MICU1: variants seen among roughly 807,000 people sequenced by gnomAD.
MICU1 encodes mitochondrial calcium uptake 1, also known as calcium uptake protein 1, mitochondrial.
Under a neutral mutation model 56.8 loss-of-function variants are expected in MICU1, and 45 were observed. That is an observed-to-expected ratio of 0.79 (90% CI 0.62 to 1.02). MICU1 has a LOEUF of 1.02. MICU1 is among the 50% of genes least tolerant of loss of function. The pLI, the probability that MICU1 is intolerant of heterozygous loss-of-function variation, is 0.00. For missense variants in MICU1, 504 were observed against 587.1 expected, an observed-to-expected ratio of 0.86 and a Z score of 1.46; for synonymous variants, 186 against 195.1, an observed-to-expected ratio of 0.95 and a Z score of 0.39.
At chr10:72,432,393 G>A (rs2132160476) in intron 8 of MICU1, among the ~76,000 whole-genome samples, 1 of 152,288 alleles carries the variant, frequency 6.6e-6, no homozygotes. Context: ...GCCTTCCAGT[G>A]TGCTGGGATT....
Position 72,599,579 on chromosome 10 carries a change from T to TA in MICU1, c.-2+26430dup, listed in dbSNP as rs200681738. ...ACAGTGCTTATGTTATTTTACTTAA[T>TA]AAAGGCCCTAAAGCCCAAGAGTAGT... On this transcript the variant is annotated intron_variant, in intron 1 of 11. Coordinates refer to ENST00000361114, the MANE Select transcript of MICU1 (RefSeq NM_001195518.2). 4.6e-5 allele frequency among the ~76,000 whole-genome samples: 7 copies of TA among 152,290 alleles called. No homozygotes were observed. In the East Asian group the frequency reaches 1.4e-3, roughly 29 times the overall value.
intron 8 of MICU1, among the ~76,000 whole-genome samples, chr10:72,425,407 T>C (rs1253430609): frequency 1.3e-5 from 2 of 152,372 alleles, no homozygotes; most frequent in East Asian, 3.9e-4. Context: ...TATTCTCTGT[T>C]CTTCATAGGG....
chr10:72,536,156 G>A (rs779105614), intron 4 of MICU1, among the ~76,000 whole-genome samples: 4 of 152,040 alleles, frequency 2.6e-5, no homozygotes, highest in Non-Finnish European at 4.4e-5. Flanking sequence ...GCATTGTAGA[G>A]TTAACAACAA....
chr10:72,442,855 C>G (rs1345927807), intron 8 of MICU1, among the ~76,000 whole-genome samples: 5 of 152,120 alleles, frequency 3.3e-5, no homozygotes, highest in African/African-American at 1.2e-4. Flanking sequence ...CTCCTGGGTT[C>G]AAGTAATTCT....
chr10:72,485,787 T>TG (rs1306848863), intron 6 of MICU1, among the ~76,000 whole-genome samples: 1 of 150,722 alleles, frequency 6.6e-6, no homozygotes. Flanking sequence ...AAAAACTGAG[T>TG]GGGGAGAAGA....
At chr10:72,593,856 T>G (rs575993452) in intron 1 of MICU1, among the ~76,000 whole-genome samples, 1 of 152,172 alleles carries the variant, frequency 6.6e-6, no homozygotes, top group Admixed American at 6.6e-5. Flanking sequence ...AAAACACTGT[T>G]GAAAGAAATT....
chr10:72,482,823 CTA>C (rs535404812), intron 6 of MICU1, among the ~76,000 whole-genome samples: 251 of 107,946 alleles, frequency 2.3e-3, no homozygotes, highest in African/African-American at 8.4e-3. Flanking sequence ...CATAAATGCA[CTA>C]TATATATATA....
At chr10:72,448,697 G>A (rs1184405744) in intron 8 of MICU1, among the ~76,000 whole-genome samples, 3 of 152,080 alleles carry the variant, frequency 2.0e-5, no homozygotes, top group Non-Finnish European at 4.4e-5. Context: ...ACACAGGCAG[G>A]TGAATGGCAA....
At chr10:72,530,291 A>G (rs868213883) in intron 5 of MICU1, among the ~76,000 whole-genome samples, 1 of 149,846 alleles carries the variant, frequency 6.7e-6, no homozygotes. Flanking sequence ...CGAGATCACG[A>G]CATTGCACTC....
At chr10:72,433,073 G>A (rs1864595017) in intron 8 of MICU1, among the ~76,000 whole-genome samples, 1 of 152,070 alleles carries the variant, frequency 6.6e-6, no homozygotes, top group South Asian at 2.1e-4. Flanking sequence ...GAGTAGCTGG[G>A]ATTACAGGTC....
chr10:72,543,686 T>C (rs1400086106), intron 4 of MICU1, among the ~76,000 whole-genome samples: 2 of 152,122 alleles, frequency 1.3e-5, no homozygotes, highest in African/African-American at 4.8e-5. Flanking sequence ...AAACCCCATC[T>C]CTACCAAAAA....
chr10:72,614,522 GAAT>G (rs1157786058), intron 1 of MICU1, among the ~76,000 whole-genome samples: 1 of 152,172 alleles, frequency 6.6e-6, no homozygotes, highest in African/African-American at 2.4e-5. Context: ...TACATACAAG[GAAT>G]ATTATTCAGC....
chr10:72,446,504 T>C (rs1453577141), intron 8 of MICU1, among the ~76,000 whole-genome samples: 1 of 151,938 alleles, frequency 6.6e-6, no homozygotes, highest in Non-Finnish European at 1.5e-5. Flanking sequence ...CTAATTTTTG[T>C]TTTTAGTAGA....
chr10:72,448,779 C>A (rs1293493242), intron 8 of MICU1, among the ~76,000 whole-genome samples: 2 of 152,008 alleles, frequency 1.3e-5, no homozygotes, highest in Non-Finnish European at 2.9e-5. Flanking sequence ...AATATTTTCC[C>A]CCTTAAGAAC....
chr10:72,498,572 T>A (rs189530554), intron 6 of MICU1, among the ~76,000 whole-genome samples: 1 of 152,032 alleles, frequency 6.6e-6, no homozygotes, highest in African/African-American at 2.4e-5. Flanking sequence ...GGTGACAGAA[T>A]AAGACTCTGT....
chr10:72,434,675 A>G (rs914376187), intron 8 of MICU1, among the ~76,000 whole-genome samples: 1 of 152,222 alleles, frequency 6.6e-6, no homozygotes, highest in Non-Finnish European at 1.5e-5. Context: ...CAAATTTAGG[A>G]GTTAAGAACC....
chr10:72,443,390 C>G (rs1334122650), intron 8 of MICU1, among the ~76,000 whole-genome samples: 1 of 152,158 alleles, frequency 6.6e-6, no homozygotes. Context: ...TCCCATTTGT[C>G]AATTTTGGCT....
intron 6 of MICU1, among the ~76,000 whole-genome samples, chr10:72,490,237 A>G (rs1336554619): frequency 6.6e-6 from 1 of 152,220 alleles, no homozygotes; most frequent in East Asian, 1.9e-4. Context: ...GTATGTATGT[A>G]TATGTATGTA....
intron 8 of MICU1, among the ~76,000 whole-genome samples, chr10:72,443,362 C>G (rs1359054613): frequency 6.6e-6 from 1 of 152,154 alleles, no homozygotes; most frequent in Non-Finnish European, 1.5e-5. Flanking sequence ...TGTGCAGAAG[C>G]TCTTGAGTTT....
Sources: allele counts gnomAD v4.1 joint callset (sites outside exome capture counted in the v4.1 genomes callset), GRCh38; gene constraint gnomAD v4.1.1; transcripts MANE v1.5; gene names NCBI Gene and HGNC (gene_info 2026-07-23, HGNC 2026-07-21).